The following ARPP21 variants were observed in gnomAD, a reference collection of about 807,000 sequenced individuals.
ARPP21 encodes cAMP-regulated phosphoprotein 21.
In ARPP21, 69 loss-of-function variants were observed where a neutral mutation model predicts 113.2. The observed-to-expected ratio is 0.61, with a 90% confidence interval of 0.50 to 0.74. The LOEUF (loss-of-function observed/expected upper bound fraction) is 0.74, where lower values mean the gene tolerates loss of function less well. Among genes scored for constraint, ARPP21 ranks in the 30% least tolerant of loss-of-function variants. The pLI, the probability that ARPP21 is intolerant of heterozygous loss-of-function variation, is 0.00. For missense variants in ARPP21, 1,070 were observed against 1,037.4 expected, an observed-to-expected ratio of 1.03 and a Z score of -0.43; for synonymous variants, 368 against 375.5, an observed-to-expected ratio of 0.98 and a Z score of 0.23.
intron 15 of ARPP21, among the ~76,000 whole-genome samples, chr3:35,735,390 G>A (rs1418406402): frequency 2.0e-5 from 3 of 152,076 alleles, no homozygotes; most frequent in Non-Finnish European, 2.9e-5. Flanking sequence ...TAGGATTATA[G>A]GCATGAGCCA....
rs569362592 is a variant in ARPP21, at chr3:35,744,429, C to G, written c.2137+464C>G. The G allele has an allele frequency of 1.1e-4, 56 of 511,924 alleles. No homozygotes were observed. The East Asian group carries it at 3.1e-3, about 29-fold the overall frequency. The allele number at this position is 511,924 out of a possible 1,614,324, so 31.7% of individuals were successfully genotyped here. On this transcript the variant is annotated intron_variant, in intron 19 of 20. Transcript: ENST00000684406. ...TCGGTGGAACTCTGACTCCATGGTT[C>G]ACTTTCATGATGGCCACATGCCTCC...
intron 1 of ARPP21, among the ~76,000 whole-genome samples, chr3:35,668,882 C>T (rs914404433): frequency 6.6e-6 from 1 of 152,084 alleles, no homozygotes; most frequent in African/African-American, 2.4e-5. Context: ...AGGCATAGAA[C>T]ACATTTTTCT....
chr3:35,781,838 A>C (rs1351941724), intron 19 of ARPP21, among the ~76,000 whole-genome samples: 1 of 152,170 alleles, frequency 6.6e-6, no homozygotes, highest in Non-Finnish European at 1.5e-5. Context: ...AACTTTAAAA[A>C]TGTTTAGTCC....
At chr3:35,677,093 C>T (rs1376920811) in intron 1 of ARPP21, among the ~76,000 whole-genome samples, 4 of 151,798 alleles carry the variant, frequency 2.6e-5, no homozygotes, top group African/African-American at 9.7e-5. Flanking sequence ...TAATATTCGT[C>T]CTTCTCTTGT....
In ARPP21 at chr3:35,670,609, C is replaced by T. The variant is rs895462857; in HGVS notation, c.-212-9178C>T. Among the ~76,000 whole-genome samples the T allele has an allele frequency of 8.7e-4, 132 of 152,016 alleles. 1 individual carries two copies. The highest frequency in any genetic ancestry group is 8.6e-3 in the Admixed American group (131 of 15,248). ...TTTTCAAAGCAGGGCATCTGGAGTC[C>T]GATCAGCATTGCCACAGATGGACCC... On this transcript the variant is annotated intron_variant, in intron 1 of 20. Transcript: ENST00000684406.
At chr3:35,775,016 T>C (rs2096313648) in intron 19 of ARPP21, 1 of 152,118 alleles carries the variant, frequency 6.6e-6, no homozygotes, top group South Asian at 2.1e-4. Context: ...CTGTTAAAGA[T>C]AGTAAGTAAA....
At chr3:35,771,270 G>A (rs1485942850) in intron 19 of ARPP21, among the ~76,000 whole-genome samples, 1 of 151,930 alleles carries the variant, frequency 6.6e-6, no homozygotes, top group African/African-American at 2.4e-5. Flanking sequence ...TTACCTGCAG[G>A]TTCCACTCTC....
At chr3:35,664,312 T>C (rs959935006) in intron 1 of ARPP21, among the ~76,000 whole-genome samples, 2 of 152,158 alleles carry the variant, frequency 1.3e-5, no homozygotes, top group African/African-American at 4.8e-5. Context: ...ACATTAAAAA[T>C]CCTCTCTTCT....
chr3:35,672,560 C>T lies in ARPP21; in HGVS notation c.-212-7227C>T, dbSNP rs191518198. Among the ~76,000 whole-genome samples the T allele has an allele frequency of 2.1e-3, 314 of 152,196 alleles. 4 individuals carry two copies. The highest frequency in any genetic ancestry group is 2.7e-3 in the Non-Finnish European group (185 of 68,006). ...TTAGAATCCAGGTAGGGCTTTAAGC[C>T]TCTTTTCATTCACTGAGTCAACAAA... On this transcript the variant is annotated intron_variant, in intron 1 of 20. Coordinates refer to ENST00000684406, the MANE Select transcript of ARPP21 (RefSeq NM_001385562.1).
At chr3:35,733,182 G>C (rs2094113304) in intron 15 of ARPP21, among the ~76,000 whole-genome samples, 1 of 150,884 alleles carries the variant, frequency 6.6e-6, no homozygotes, top group African/African-American at 2.4e-5. Flanking sequence ...GAGGGTCCAT[G>C]CTTATTTTTT....
At chr3:35,789,432 T>A (rs535553790) in intron 19 of ARPP21, among the ~76,000 whole-genome samples, 1 of 152,224 alleles carries the variant, frequency 6.6e-6, no homozygotes, top group Non-Finnish European at 1.5e-5. Flanking sequence ...ATTGCAGGTG[T>A]AAATTTCTTG....
chr3:35,717,253 T>A (rs374867575), intron 12 of ARPP21, 45 bp from the exon 13 acceptor site: 24 of 1,118,452 alleles, frequency 2.1e-5, no homozygotes, highest in South Asian at 1.1e-4. Flanking sequence ...AGGCATTTAG[T>A]ACCCTTAGGT....
At chr3:35,668,018 AAGAAGAAGAAGAAGG>A (rs1447786490) in intron 1 of ARPP21, among the ~76,000 whole-genome samples, 6 of 136,796 alleles carry the variant, frequency 4.4e-5, no homozygotes, top group East Asian at 4.4e-4. Flanking sequence ...GAAGAAGAAG[AAGAAGAAGAAGAAGG>A]AGAAGAAGAA....
Position 35,667,911 on chromosome 3 carries a change from AAGGAGG to A in ARPP21, c.-212-11858_-212-11853del, listed in dbSNP as rs143034102. ...GAAGAGGAAGAGGAAGAGGAAGAGGAAGGAGGAGGAGGAGGAGGAGGAGAAGGAGAA... is the reference window on the plus strand; with the variant it reads ...GAAGAGGAAGAGGAAGAGGAAGAGGAAGGAGGAGGAGGAGGAGAAGGAGAA... On this transcript the variant is annotated intron_variant, in intron 1 of 20. Transcript: ENST00000684406. 2.0e-3 allele frequency among the ~76,000 whole-genome samples: 161 copies of A among 80,342 alleles called. 10 individuals carry two copies. Among genetic ancestry groups the A allele is most frequent in the East Asian group, 0.015 (45 of 2,946 alleles). 52.7% of individuals were successfully genotyped at this position (80,342 alleles called of 152,430 possible).
chr3:35,670,610 G>A (rs766757023), intron 1 of ARPP21, among the ~76,000 whole-genome samples: 8 of 152,014 alleles, frequency 5.3e-5, no homozygotes, highest in African/African-American at 9.7e-5. Flanking sequence ...TCTGGAGTCC[G>A]ATCAGCATTG....
intron 1 of ARPP21, among the ~76,000 whole-genome samples, chr3:35,646,681 G>T (rs1315396320): frequency 6.6e-6 from 1 of 152,022 alleles, no homozygotes; most frequent in Admixed American, 6.6e-5. Flanking sequence ...ATTAAATTCT[G>T]CCAAATTAAT....
intron 19 of ARPP21, among the ~76,000 whole-genome samples, chr3:35,783,340 A>G (rs531675607): frequency 1.3e-5 from 2 of 151,786 alleles, no homozygotes; most frequent in Admixed American, 1.3e-4. Context: ...ATCTCTATAT[A>G]CTTGTTCTTT....
chr3:35,654,809 G>A (rs1286016770), intron 1 of ARPP21, among the ~76,000 whole-genome samples: 1 of 152,072 alleles, frequency 6.6e-6, no homozygotes, highest in East Asian at 1.9e-4. Flanking sequence ...GTTAAGCATA[G>A]TAGGTATAAT....
chr3:35,734,804 T>C (rs2094234010), intron 15 of ARPP21, among the ~76,000 whole-genome samples: 2 of 152,200 alleles, frequency 1.3e-5, no homozygotes, highest in Admixed American at 1.3e-4. Context: ...CCTAATTTAT[T>C]GAGCTATACA....
Sources: gnomAD v4.1 joint callset for allele counts (sites outside exome capture counted in the v4.1 genomes callset) on GRCh38, gnomAD v4.1.1 for gene constraint, MANE v1.5 for transcripts, NCBI Gene and HGNC (gene_info 2026-07-23, HGNC 2026-07-21) for gene names.